Variants in ANKS1B observed in about 807,000 individuals in gnomAD.
ANKS1B encodes ankyrin repeat and sterile alpha motif domain containing 1B.
A neutral mutation model predicts 148.3 loss-of-function variants in ANKS1B; 36 were observed. The observed-to-expected ratio is 0.24, with a 90% CI of 0.19 to 0.32. ANKS1B has a LOEUF of 0.32. ANKS1B is among the 10% of genes least tolerant of loss of function. The pLI is 1.00. For missense variants in ANKS1B, 1,157 were observed against 1,542.6 expected, an observed-to-expected ratio of 0.75 and a Z score of 4.19; for synonymous variants, 542 against 560.8, an observed-to-expected ratio of 0.97 and a Z score of 0.47.
At chr12:99,626,892 G>A (rs546653854) in intron 9 of ANKS1B, among the ~76,000 whole-genome samples, 12 of 152,228 alleles carry the variant, frequency 7.9e-5, no homozygotes, top group African/African-American at 2.6e-4. Flanking sequence ...TAAAGAACAA[G>A]GTTGGTGATG....
intron 9 of ANKS1B, among the ~76,000 whole-genome samples, chr12:99,591,114 G>T (rs927941485): frequency 6.6e-6 from 1 of 151,796 alleles, no homozygotes; most frequent in African/African-American, 2.4e-5. Flanking sequence ...GTATTTTAAA[G>T]TTAAATAATT....
At chr12:98,759,379 G>A (rs1006584709) in intron 25 of ANKS1B, among the ~76,000 whole-genome samples, 17 of 152,272 alleles carry the variant, frequency 1.1e-4, no homozygotes, top group Non-Finnish European at 1.6e-4. Flanking sequence ...ACATGGGGGA[G>A]TAAAAGTGTC....
At chr12:99,368,042 G>A (rs531268972) in intron 12 of ANKS1B, among the ~76,000 whole-genome samples, 1 of 152,204 alleles carries the variant, frequency 6.6e-6, no homozygotes, top group Admixed American at 6.5e-5. Flanking sequence ...ATACGACTCG[G>A]AGAGAAAATT....
chr12:99,566,920 C>G (rs2097400934), intron 9 of ANKS1B, among the ~76,000 whole-genome samples: 1 of 152,170 alleles, frequency 6.6e-6, no homozygotes, highest in Admixed American at 6.5e-5. Context: ...TGTCTAATCC[C>G]AAAGCTGCTC....
At chr12:99,571,631 G>A (rs903586473) in intron 9 of ANKS1B, among the ~76,000 whole-genome samples, 4 of 152,024 alleles carry the variant, frequency 2.6e-5, no homozygotes, top group Non-Finnish European at 1.5e-5. Context: ...ATCCATTTAA[G>A]GTGATTTGAT....
chr12:98,895,462 C>A (rs1464128432), intron 17 of ANKS1B, among the ~76,000 whole-genome samples: 1 of 152,178 alleles, frequency 6.6e-6, no homozygotes, highest in Non-Finnish European at 1.5e-5. Flanking sequence ...GAGAGGAGGA[C>A]GAGGAGGGCA....
intron 16 of ANKS1B, among the ~76,000 whole-genome samples, chr12:99,080,139 T>A (rs2049184355): frequency 6.6e-6 from 1 of 152,228 alleles, no homozygotes; most frequent in Non-Finnish European, 1.5e-5. Flanking sequence ...CCTCCTTGCT[T>A]GGCCGCCTTG....
intron 17 of ANKS1B, among the ~76,000 whole-genome samples, chr12:98,991,590 A>G (rs1280269101): frequency 6.6e-6 from 1 of 152,196 alleles, no homozygotes; most frequent in African/African-American, 2.4e-5. Flanking sequence ...AATAGTAACT[A>G]ACAGTTTTTC....
chr12:99,937,618 G>A (rs1454907979), intron 1 of ANKS1B, among the ~76,000 whole-genome samples: 2 of 152,102 alleles, frequency 1.3e-5, no homozygotes, highest in East Asian at 1.9e-4. Context: ...TCCTGACAAC[G>A]TGGCATATGG....
intron 12 of ANKS1B, among the ~76,000 whole-genome samples, chr12:99,369,747 A>AAGATAGATAGAT (rs75456516): frequency 0.032 from 4,645 of 143,344 alleles, 97 homozygotes; most frequent in Admixed American, 0.044. Flanking sequence ...AATGGATAGA[A>AAGATAGATAGAT]AGATAGATAG....
chr12:99,147,244 A>T (rs1236421607), intron 15 of ANKS1B, among the ~76,000 whole-genome samples: 2 of 152,140 alleles, frequency 1.3e-5, no homozygotes, highest in Non-Finnish European at 1.5e-5. Flanking sequence ...CTGAGAGCTA[A>T]AAAAAGTGAC....
At chr12:99,808,160 A>G (rs564284678) in intron 3 of ANKS1B, among the ~76,000 whole-genome samples, 309 of 152,228 alleles carry the variant, frequency 2.0e-3, no homozygotes, top group Non-Finnish European at 3.6e-3. Flanking sequence ...TCAGAAAAAT[A>G]CCAACCGAGA....
chr12:98,894,524 C>G (rs891637323), intron 17 of ANKS1B: 1 of 969,164 alleles, frequency 1.0e-6, no homozygotes, highest in Non-Finnish European at 1.2e-6. Context: ...CCGGCTTGCC[C>G]GACTCGGCTT....
In ANKS1B at chr12:98,801,081, A is replaced by T. The variant is rs1201704798; in HGVS notation, c.3186T>A (p.Asn1062Lys). The T allele has an allele frequency of 6.2e-7, 1 of 1,612,876 alleles. No individual in the cohort carries two copies. Among genetic ancestry groups the T allele is most frequent in the Non-Finnish European group, 8.5e-7 (1 of 1,179,474 alleles). Residue 1062 changes from asparagine to lysine, a missense_variant, in exon 21 of 27, where the codon AAT becomes AAA. By Grantham distance (94) the Asn-to-Lys change is moderately conservative. Coordinates refer to ENST00000683438, the MANE Select transcript of ANKS1B (RefSeq NM_001352186.2). This position sits in a 1 kb window ranked among gnomAD's most constrained non-coding sequence, Gnocchi z 5.2. ...GTACCGGGGTAGAGGCTGTGGCTTC[A>T]TTCGGAGGTCGCAAGGTAATGGAAG... ...GEPSITLRPP[N>K]EATASTPVQY... is the part of the protein sequence containing the mutation.
chr12:98,753,936 T>C (rs922550444), intron 25 of ANKS1B, among the ~76,000 whole-genome samples: 6 of 152,142 alleles, frequency 3.9e-5, no homozygotes, highest in Admixed American at 2.0e-4. Context: ...TTGAAGATGA[T>C]GGAGAGGAAG....
At chr12:99,057,992 TG>T (rs536260610) in intron 16 of ANKS1B, among the ~76,000 whole-genome samples, 10 of 152,312 alleles carry the variant, frequency 6.6e-5, no homozygotes, top group Admixed American at 2.0e-4. Context: ...TTTTTGTTGT[TG>T]TTGCTGTGAA....
At chr12:99,696,865 A>G (rs2054007856) in intron 8 of ANKS1B, among the ~76,000 whole-genome samples, 1 of 152,186 alleles carries the variant, frequency 6.6e-6, no homozygotes, top group Non-Finnish European at 1.5e-5. Flanking sequence ...TATACAAAGA[A>G]CACTTAAAAT....
intron 24 of ANKS1B, among the ~76,000 whole-genome samples, chr12:98,780,071 A>G (rs2098718929): frequency 6.6e-6 from 1 of 152,112 alleles, no homozygotes; most frequent in African/African-American, 2.4e-5. Context: ...TTTAATAGAG[A>G]CACCAAAGAG....
chr12:99,937,594 C>T (rs1490560580), intron 1 of ANKS1B, among the ~76,000 whole-genome samples: 1 of 152,094 alleles, frequency 6.6e-6, no homozygotes, highest in Non-Finnish European at 1.5e-5. Context: ...CCTCCTGATA[C>T]AGTTGCTAGT....
Sources: allele counts gnomAD v4.1 joint callset (sites outside exome capture counted in the v4.1 genomes callset), GRCh38; gene constraint gnomAD v4.1.1; non-coding constraint Gnocchi (gnomAD v3.1); transcripts MANE v1.5; gene names NCBI Gene and HGNC (gene_info 2026-07-23, HGNC 2026-07-21).